The following NLGN1 variants were observed in gnomAD, a reference collection of about 807,000 sequenced individuals.
NLGN1 encodes neuroligin 1, also known as neuroligin-1.
NLGN1 carries 12 observed loss-of-function variants against 65.5 expected under a neutral mutation model. The ratio of observed to expected loss-of-function variants is 0.18; its 90% CI spans 0.12 to 0.30. The LOEUF (loss-of-function observed/expected upper bound fraction) is 0.30. Ranked by LOEUF, NLGN1 falls within the 10% of genes least tolerant of loss-of-function variation. The pLI is 1.00. For synonymous variants in NLGN1, 350 were observed against 359.5 expected (o/e 0.97, Z 0.30); for missense variants, 750 against 1,007.1 (o/e 0.74, Z 3.46).
chr3:173,397,829 A>C (rs1235853632), upstream of NLGN1: 1 of 151,798 alleles, frequency 6.6e-6, no homozygotes, highest in Non-Finnish European at 1.5e-5. Context: ...TGGCGTGGGG[A>C]GACACGGCAG....
chr3:174,050,742 A>G (rs2152502608), intron 4 of NLGN1, among the ~76,000 whole-genome samples: 1 of 152,088 alleles, frequency 6.6e-6, no homozygotes, highest in South Asian at 2.1e-4. Flanking sequence ...GAATGGCTTT[A>G]AAGCTTTCCC....
chr3:173,656,577 A>G (rs1383344039), intron 3 of NLGN1, among the ~76,000 whole-genome samples: 1 of 152,100 alleles, frequency 6.6e-6, no homozygotes, highest in African/African-American at 2.4e-5. Context: ...AGACCCAGCT[A>G]ACGTGGTCCA....
intron 4 of NLGN1, among the ~76,000 whole-genome samples, chr3:174,241,293 G>A (rs150894563): frequency 2.0e-4 from 30 of 151,898 alleles, no homozygotes; most frequent in African/African-American, 7.2e-4. Context: ...ATTTTTGCCT[G>A]TTTTATATAT....
At chr3:173,401,773 C>T (rs140209671) in intron 1 of NLGN1, among the ~76,000 whole-genome samples, 87 of 152,178 alleles carry the variant, frequency 5.7e-4, no homozygotes, top group African/African-American at 1.9e-3. Context: ...ACATAAAATT[C>T]GTCTAAATAC....
chr3:174,041,054 G>A (rs147827878), intron 4 of NLGN1, among the ~76,000 whole-genome samples: 44 of 152,152 alleles, frequency 2.9e-4, no homozygotes, highest in Non-Finnish European at 5.6e-4. Context: ...TATTCACTGA[G>A]TGTTGAAAAA....
chr3:173,505,463 A>G (rs1731868073), intron 2 of NLGN1, among the ~76,000 whole-genome samples: 1 of 152,112 alleles, frequency 6.6e-6, no homozygotes, highest in African/African-American at 2.4e-5. Flanking sequence ...TGTGTTTAAT[A>G]TAGCCCATAA....
At chr3:173,450,789 A>C (rs1339568004) in intron 2 of NLGN1, among the ~76,000 whole-genome samples, 3 of 152,062 alleles carry the variant, frequency 2.0e-5, no homozygotes, top group South Asian at 2.1e-4. Flanking sequence ...CTAAACTTGT[A>C]TTCACGCTTC....
At chr3:173,524,720 T>C (rs924974344) in intron 2 of NLGN1, among the ~76,000 whole-genome samples, 1 of 152,232 alleles carries the variant, frequency 6.6e-6, no homozygotes, top group Non-Finnish European at 1.5e-5. Flanking sequence ...TGGTTCTTAC[T>C]GTTTTGAAGT....
intron 4 of NLGN1, among the ~76,000 whole-genome samples, chr3:173,992,344 G>A (rs535356361): frequency 1.3e-5 from 2 of 151,576 alleles, no homozygotes; most frequent in South Asian, 4.1e-4. Flanking sequence ...AAAACAGTGT[G>A]CTCAATAGCC....
intron 4 of NLGN1, among the ~76,000 whole-genome samples, chr3:173,918,660 ATGTGTGTGTGTG>A (rs71162369): frequency 8.7e-4 from 97 of 111,810 alleles, no homozygotes; most frequent in Non-Finnish European, 1.2e-3. Context: ...AGAAATACAT[ATGTGTGTGTGTG>A]TGTGTGTGTG....
intron 4 of NLGN1, among the ~76,000 whole-genome samples, chr3:173,875,612 CA>C (rs1051988875): frequency 1.3e-4 from 19 of 151,848 alleles, no homozygotes; most frequent in Admixed American, 1.2e-3. Context: ...TAATTTTGAA[CA>C]AAAAAGTACC....
At chr3:174,217,678 T>C (rs1737872047) in intron 4 of NLGN1, among the ~76,000 whole-genome samples, 1 of 152,012 alleles carries the variant, frequency 6.6e-6, no homozygotes. Flanking sequence ...GTCCATAACA[T>C]GAGTGTTAGA....
At chr3:174,139,866 A>T (rs1414564748) in intron 4 of NLGN1, among the ~76,000 whole-genome samples, 4 of 152,212 alleles carry the variant, frequency 2.6e-5, no homozygotes, top group Non-Finnish European at 4.4e-5. Context: ...ATCTTTTCAT[A>T]TGCTTACTTA....
At chr3:173,562,329 G>A (rs756765437) in intron 2 of NLGN1, among the ~76,000 whole-genome samples, 3 of 152,208 alleles carry the variant, frequency 2.0e-5, no homozygotes, top group Non-Finnish European at 4.4e-5. Flanking sequence ...AGCACTTTGG[G>A]AGGCCAAGGT....
intron 4 of NLGN1, among the ~76,000 whole-genome samples, chr3:173,901,363 T>TGGGGGGG (rs1387951154): frequency 3.0e-5 from 4 of 133,350 alleles, no homozygotes; most frequent in East Asian, 2.9e-4. Flanking sequence ...AGTATTTTTT[T>TGGGGGGG]TGGGGGGGTG....
chr3:173,507,467 T>C (rs1732222682), intron 2 of NLGN1, among the ~76,000 whole-genome samples: 1 of 152,160 alleles, frequency 6.6e-6, no homozygotes, highest in South Asian at 2.1e-4. Context: ...GGAGAAAATA[T>C]ATTTGAATTC....
intron 3 of NLGN1, among the ~76,000 whole-genome samples, chr3:173,787,061 G>A (rs968711252): frequency 1.5e-5 from 2 of 134,136 alleles, no homozygotes; most frequent in Non-Finnish European, 3.1e-5. Context: ...TGGGAAACAA[G>A]AGCAAAACTC....
chr3:173,424,940 T>C (rs1715824153), intron 1 of NLGN1, among the ~76,000 whole-genome samples: 1 of 152,202 alleles, frequency 6.6e-6, no homozygotes, highest in South Asian at 2.1e-4. Context: ...ATTAGTCCAT[T>C]CTCACACTTC....
intron 3 of NLGN1, among the ~76,000 whole-genome samples, chr3:173,624,593 T>C (rs899169700): frequency 2.0e-5 from 3 of 152,110 alleles, no homozygotes; most frequent in Non-Finnish European, 4.4e-5. Context: ...ATAAATTAGC[T>C]GTGATATGAT....
Sources: gnomAD v4.1 joint callset for allele counts (sites outside exome capture counted in the v4.1 genomes callset) on GRCh38, gnomAD v4.1.1 for gene constraint, MANE v1.5 for transcripts, NCBI Gene and HGNC (gene_info 2026-07-23, HGNC 2026-07-21) for gene names.